Variants in AP3S2 observed in about 807,000 individuals in gnomAD.
AP3S2 encodes AP-3 complex subunit sigma-2.
In AP3S2, 22 loss-of-function variants were observed where a neutral mutation model predicts 23.4. The ratio of observed to expected loss-of-function variants is 0.94; its 90% CI spans 0.67 to 1.34. The LOEUF is 1.34. Ranked by LOEUF, AP3S2 falls within the 40% of genes most tolerant of loss-of-function variation. The probability of loss-of-function intolerance (pLI) is 0.00; values close to 1 mark genes in which losing one functional copy is unlikely to be tolerated. For missense variants in AP3S2, 241 were observed against 236.9 expected, an observed-to-expected ratio of 1.02 and a Z score of -0.11; for synonymous variants, 86 against 87.1, an observed-to-expected ratio of 0.99 and a Z score of 0.07.
At position 89,847,375 on chromosome 15, in the gene AP3S2, CAAAAAAAAAAA is replaced by C. The variant is rs11314336; in HGVS notation, c.346-9664_346-9654del. Reference sequence around the variant, plus strand: ...TGGGAGACAGGGCGAGACCCTGTTACAAAAAAAAAAAAAAAAAAAAAAAAAAAAGTAGATTA... The same window carrying C: ...TGGGAGACAGGGCGAGACCCTGTTACAAAAAAAAAAAAAAAAAGTAGATTA... On this transcript the variant is annotated intron_variant, in intron 4 of 5. Transcript: ENST00000336418. Among the ~76,000 whole-genome samples, 318 of 62,634 alleles carry C rather than the reference CAAAAAAAAAAA, an allele frequency of 5.1e-3. 1 individual carries two copies. The highest frequency in any genetic ancestry group is 0.032 in the Middle Eastern group (2 of 62). 41.1% of individuals were successfully genotyped at this position (62,634 alleles called of 152,430 possible). A position where few individuals can be genotyped will look rare whatever the true frequency, so the allele number is the denominator to read the frequency against.
intron 2 of AP3S2, 61 bp from the exon 3 acceptor site, chr15:89,888,693 C>T (rs1285299305): frequency 6.6e-7 from 1 of 1,525,854 alleles, no homozygotes; most frequent in Non-Finnish European, 8.9e-7. Flanking sequence ...AAAAAGAAAC[C>T]TTGTGCCAAA....
intron 3 of AP3S2, among the ~76,000 whole-genome samples, chr15:89,882,238 T>G (rs1377091684): frequency 6.6e-6 from 1 of 152,128 alleles, no homozygotes; most frequent in Non-Finnish European, 1.5e-5. Flanking sequence ...GCATAAAGAC[T>G]TAGAGTAGTT....
intron 4 of AP3S2, among the ~76,000 whole-genome samples, chr15:89,855,711 G>C (rs1487816727): frequency 1.4e-5 from 2 of 141,914 alleles, no homozygotes; most frequent in South Asian, 4.6e-4. Flanking sequence ...TTAGCTGGGC[G>C]TGGTGGTGCA....
chr15:89,857,700 C>T (rs776544938), intron 4 of AP3S2, among the ~76,000 whole-genome samples: 65 of 152,272 alleles, frequency 4.3e-4, no homozygotes, highest in Non-Finnish European at 5.4e-4. Context: ...AAATTTCTAG[C>T]TTCCCTTCTA....
At chr15:89,849,549 G>A (rs1438761762) in intron 4 of AP3S2, among the ~76,000 whole-genome samples, 6 of 151,918 alleles carry the variant, frequency 3.9e-5, no homozygotes, top group East Asian at 1.9e-4. Flanking sequence ...TGTATTTTTA[G>A]TAGAGACGGG....
intron 3 of AP3S2, among the ~76,000 whole-genome samples, chr15:89,885,392 G>T (rs573223684): frequency 6.6e-6 from 1 of 151,732 alleles, no homozygotes; most frequent in Admixed American, 6.6e-5. Flanking sequence ...TAGTAGAGAC[G>T]AAGTTTCACC....
chr15:89,849,501 G>A (rs1390288905), intron 4 of AP3S2, among the ~76,000 whole-genome samples: 1 of 151,902 alleles, frequency 6.6e-6, no homozygotes, highest in Non-Finnish European at 1.5e-5. Flanking sequence ...TGGGTAGCTG[G>A]AACTACAGGC....
At chr15:89,871,377 A>AG (rs1217558885) in intron 4 of AP3S2, 98 bp downstream of exon 4, 2 of 1,157,044 alleles carry the variant, frequency 1.7e-6, no homozygotes, top group African/African-American at 1.6e-5. Context: ...GTAAAAAAAA[A>AG]CAAGAAACAA....
chr15:89,860,217 C>T (rs1481145523), intron 4 of AP3S2, among the ~76,000 whole-genome samples: 2 of 152,136 alleles, frequency 1.3e-5, no homozygotes, highest in Non-Finnish European at 2.9e-5. Context: ...CCAGTGGATG[C>T]GTTATTTTTT....
rs1216053740 is a variant in AP3S2, at chr15:89,831,903, C to G, written c.*3612G>C. 1 of 152,240 alleles carries G rather than the reference C, an allele frequency of 6.6e-6. No homozygotes were observed. Among genetic ancestry groups the G allele is most frequent in the Non-Finnish European group, 1.5e-5 (1 of 68,076 alleles). 9.4% of individuals were successfully genotyped at this position (152,240 alleles called of 1,614,324 possible). The stretch of plus-strand genomic sequence containing the variant: ...GCGTAGGGAAATGGGTTACTGTCCT[C>G]TAAATATTCCATATATCACAAAGTT... On this transcript the variant is annotated 3_prime_UTR_variant, in exon 6 of 6. Coordinates refer to ENST00000336418, the MANE Select transcript of AP3S2 (RefSeq NM_005829.5).
intron 4 of AP3S2, among the ~76,000 whole-genome samples, chr15:89,866,245 G>C (rs1420978263): frequency 2.1e-5 from 3 of 139,902 alleles, no homozygotes; most frequent in Admixed American, 7.3e-5. Flanking sequence ...CTGGGCAACA[G>C]AGCGAGACTC....
At chr15:89,878,639 C>T (rs1209340949) in intron 3 of AP3S2, among the ~76,000 whole-genome samples, 2 of 152,168 alleles carry the variant, frequency 1.3e-5, no homozygotes, top group African/African-American at 4.8e-5. Flanking sequence ...TAGCTCACTG[C>T]AGCCCTGATC....
intron 4 of AP3S2, among the ~76,000 whole-genome samples, chr15:89,860,744 C>T (rs911690730): frequency 1.3e-5 from 2 of 151,960 alleles, no homozygotes; most frequent in Admixed American, 6.6e-5. Flanking sequence ...AATTCTGCCA[C>T]AAAATTCTTA....
chr15:89,836,148 T>C (rs34560897), intron 5 of AP3S2, among the ~76,000 whole-genome samples: 5,950 of 152,198 alleles, frequency 0.039, 170 homozygotes, highest in South Asian at 0.062. Flanking sequence ...CAAAACAATC[T>C]TGAGGTTAGA....
chr15:89,870,517 A>T (rs1255176986), intron 4 of AP3S2, among the ~76,000 whole-genome samples: 1 of 152,206 alleles, frequency 6.6e-6, no homozygotes, highest in East Asian at 1.9e-4. Context: ...TCAAGAATGC[A>T]TTCACTACAT....
chr15:89,858,226 T>C (rs967979126), intron 4 of AP3S2, among the ~76,000 whole-genome samples: 5 of 151,470 alleles, frequency 3.3e-5, no homozygotes, highest in African/African-American at 1.2e-4. Flanking sequence ...TCACCTGAGG[T>C]TGGGAGTTTG....
At chr15:89,874,410 G>C (rs1896393617) in intron 3 of AP3S2, among the ~76,000 whole-genome samples, 1 of 152,146 alleles carries the variant, frequency 6.6e-6, no homozygotes, top group South Asian at 2.1e-4. Flanking sequence ...GAGAAACAAG[G>C]CTGTTTATTT....
At chr15:89,886,118 A>C (rs1896695546) in intron 3 of AP3S2, among the ~76,000 whole-genome samples, 1 of 152,108 alleles carries the variant, frequency 6.6e-6, no homozygotes. Flanking sequence ...TGGGAGGCCG[A>C]GGCGGGCGGA....
At chr15:89,869,128 A>C (rs1225900090) in intron 4 of AP3S2, among the ~76,000 whole-genome samples, 2 of 152,176 alleles carry the variant, frequency 1.3e-5, no homozygotes, top group Admixed American at 1.3e-4. Context: ...TGGAACAGAA[A>C]GGCGGGAAAG....
Sources: gnomAD v4.1 joint callset for allele counts (sites outside exome capture counted in the v4.1 genomes callset) on GRCh38, gnomAD v4.1.1 for gene constraint, MANE v1.5 for transcripts, NCBI Gene and HGNC (gene_info 2026-07-23, HGNC 2026-07-21) for gene names.